MAPK13: variants seen among roughly 807,000 people sequenced by gnomAD.
The protein encoded by MAPK13 is MAP kinase 13.
MAPK13 carries 39 observed loss-of-function variants against 53.5 expected under a neutral mutation model. That is an observed-to-expected ratio of 0.73 (90% CI 0.56 to 0.95). The LOEUF (loss-of-function observed/expected upper bound fraction) is 0.95. Among genes scored for constraint, MAPK13 ranks in the 40% least tolerant of loss-of-function variants. The probability of loss-of-function intolerance (pLI) is 0.00; values close to 1 mark genes in which losing one functional copy is unlikely to be tolerated. For missense variants in MAPK13, 460 were observed against 471.8 expected (o/e 0.98, Z 0.23); for synonymous variants, 179 against 190.9 (o/e 0.94, Z 0.51).
chr6:36,142,168 T>C lies in MAPK13; in HGVS notation c.*2795T>C, dbSNP rs1021119845. ...TCCTGGGATCCACCGTAAGGTTCAT[T>C]CTGCATTCACAGGTTAAAGGTCTTG... On this transcript the variant is annotated 3_prime_UTR_variant, in exon 12 of 12. Coordinates refer to ENST00000211287, the MANE Select transcript of MAPK13 (RefSeq NM_002754.5). The surrounding 1 kb of genome is among the most constrained non-coding windows in gnomAD (Gnocchi z 4.4). 7.2e-5 allele frequency: 11 copies of C among 152,298 alleles called. No homozygotes were observed. Among genetic ancestry groups the C allele is most frequent in the African/African-American group, 2.7e-4 (11 of 41,462 alleles). 9.4% of individuals were successfully genotyped at this position (152,298 alleles called of 1,614,324 possible).
chr6:36,133,220 G>T (rs931327153), intron 3 of MAPK13, among the ~76,000 whole-genome samples: 41 of 152,352 alleles, frequency 2.7e-4, no homozygotes, highest in African/African-American at 9.1e-4. Context: ...GTGGAGGCCA[G>T]CAGCTGGCTT....
In MAPK13 at chr6:36,138,903, T is replaced by C. The variant is rs1766475947; in HGVS notation, c.866T>C (p.Leu289Pro). 1.2e-6 allele frequency: 2 copies of C among 1,611,264 alleles called. No individual in the cohort carries two copies. Among genetic ancestry groups the C allele is most frequent in the Non-Finnish European group, 8.5e-7 (1 of 1,178,810 alleles). The change falls in exon 11 of 12, where the codon CTG (leucine) becomes CCG (proline). Residue 289 changes from leucine (L) to proline (P), a missense_variant. Coordinates refer to ENST00000211287, the MANE Select transcript of MAPK13 (RefSeq NM_002754.5). ...PQAADLLEKM[L>P]ELDVDKRLTA... ...GCTGCGGACCTGCTGGAGAAGATGC[T>C]GGAGCTAGACGTGGACAAGCGCCTG...
At chr6:36,137,514 C>CA (rs1022679729) in intron 8 of MAPK13, among the ~76,000 whole-genome samples, 7 of 149,788 alleles carry the variant, frequency 4.7e-5, no homozygotes, top group Non-Finnish European at 7.4e-5. Context: ...GACTCTGTCT[C>CA]AAAAAAAAGA....
At chr6:36,132,492 G>T in intron 2 of MAPK13, 129 bp from the exon 3 acceptor site, 1 of 784,608 alleles carries the variant, frequency 1.3e-6, no homozygotes. Flanking sequence ...AAGAAGGTTG[G>T]AGACATGCCT....
rs553292048 is a variant in MAPK13 at position 36,139,254 on chromosome 6, G to A, written c.1019-40G>A. 4.4e-6 allele frequency: 7 copies of A among 1,581,820 alleles called. No homozygotes were observed. The East Asian group carries it at 6.7e-5, about 15-fold the overall frequency. On this transcript the variant is annotated intron_variant, in intron 11 of 11. Coordinates refer to ENST00000211287, the MANE Select transcript of MAPK13 (RefSeq NM_002754.5). ...AAGGGGGGTGGACTTTCTCGCCACA[G>A]CACCTCTTTACGCACCTTAAACCAT...
chr6:36,132,694 ACTGGGTT>A lies in MAPK13; in HGVS notation c.308+21_308+27del. ...TTCTATGACTTGTGAGTTGGGCTGC[ACTGGGTT>A]CTGGGGCATTTGCAGGCCTTACATG... On this transcript the variant is annotated intron_variant, in intron 3 of 11. Transcript: ENST00000211287. 1 of 1,614,110 alleles carries A rather than the reference ACTGGGTT, an allele frequency of 6.2e-7. No homozygotes were observed. Among genetic ancestry groups the A allele is most frequent in the Non-Finnish European group, 8.5e-7 (1 of 1,179,976 alleles).
rs759533532 is a variant in MAPK13 at position 36,132,669 on chromosome 6, T to G, written c.298T>G (p.Phe100Val). 1.9e-6 allele frequency: 3 copies of G among 1,614,214 alleles called. No homozygotes were observed. The South Asian group carries it at 3.3e-5, about 18-fold the overall frequency. Residue 100 changes from phenylalanine to valine, a missense_variant, in exon 3 of 12, where the codon TTC becomes GTC. Coordinates refer to ENST00000211287, the MANE Select transcript of MAPK13 (RefSeq NM_002754.5). ...VFTPASSLRN[F>V]YDFYLVMPFM... ...CACCCCAGCCTCCTCCCTGCGCAAC[T>G]TCTATGACTTGTGAGTTGGGCTGCA...
Position 36,136,549 on chromosome 6 carries a change from T to C in MAPK13, c.495+18T>C. The C allele has an allele frequency of 6.2e-7, 1 of 1,600,678 alleles. No homozygotes were observed. Among genetic ancestry groups the C allele is most frequent in the Non-Finnish European group, 8.5e-7 (1 of 1,173,304 alleles). On this transcript the variant is annotated intron_variant, in intron 6 of 11. Coordinates refer to ENST00000211287, the MANE Select transcript of MAPK13 (RefSeq NM_002754.5). Reference sequence around the variant, plus strand: ...AACTGAAGGTGAGTGGGCTGCAGGCTCAGCCCAGAGGCGGGATAGGCCCTC... The same window carrying C: ...AACTGAAGGTGAGTGGGCTGCAGGCCCAGCCCAGAGGCGGGATAGGCCCTC...
chr6:36,133,656 C>G (rs181163201), intron 3 of MAPK13, among the ~76,000 whole-genome samples: 8 of 152,212 alleles, frequency 5.3e-5, no homozygotes, highest in Non-Finnish European at 1.2e-4. Context: ...TGTTTAATCA[C>G]AGTTGCAAAT....
intron 3 of MAPK13, among the ~76,000 whole-genome samples, chr6:36,134,049 A>G (rs531260818): frequency 1.3e-3 from 204 of 152,348 alleles, no homozygotes; most frequent in African/African-American, 4.6e-3. Context: ...AGTGGGATCC[A>G]GGAGTGTGGA....
Position 36,143,317 on chromosome 6 carries a change from C to T in MAPK13, c.*3944C>T, listed in dbSNP as rs538093616. 31 of 152,118 alleles carry T rather than the reference C, an allele frequency of 2.0e-4. No homozygotes were observed. The highest frequency in any genetic ancestry group is 7.9e-4 in the Admixed American group (12 of 15,284). The allele number at this position is 152,118 out of a possible 1,614,324, so 9.4% of individuals were successfully genotyped here. ...GAGACAGAAATGGAGGAATAGCCCC[C>T]GTAAGGGCAAGCCCAGTGTGCACCA... On this transcript the variant is annotated 3_prime_UTR_variant, in exon 12 of 12. Transcript: ENST00000211287.
chr6:36,134,942 G>A (rs908862260), intron 3 of MAPK13, among the ~76,000 whole-genome samples: 27 of 152,222 alleles, frequency 1.8e-4, no homozygotes, highest in Non-Finnish European at 1.5e-4. Flanking sequence ...TTGAACCTGG[G>A]AGGTGGAGGT....
In MAPK13 at chr6:36,139,055, C is replaced by T. The variant is rs1343959443; in HGVS notation, c.1018C>T (p.Gln340Ter). 4 of 1,588,954 alleles carry T rather than the reference C, an allele frequency of 2.5e-6. No individual in the cohort carries two copies. The highest frequency in any genetic ancestry group is 1.7e-4 in the Middle Eastern group (1 of 5,898). Residue 340 changes from glutamine (Q) to a stop codon, truncating the protein, a stop_gained and splice_region_variant, in exon 11 of 12, where the codon CAG becomes TAG. Coordinates refer to ENST00000211287, the MANE Select transcript of MAPK13 (RefSeq NM_002754.5). LOFTEE classifies it high-confidence loss of function. ...GAAACTCACAGTGGATGAATGGAAGCGTAAGAGCTGGGGCCTCGGGCTTCC... is the reference window on the plus strand; with the variant it reads ...GAAACTCACAGTGGATGAATGGAAGTGTAAGAGCTGGGGCCTCGGGCTTCC... Reference protein sequence around the residue: ...HEKLTVDEWKQHIYKEIVNFS... With the variant: ...HEKLTVDEWK
At position 36,140,281 on chromosome 6, in the gene MAPK13, G is replaced by C. The variant is rs1418557232; in HGVS notation, c.*908G>C. 6.6e-6 allele frequency: 1 copy of C among 152,644 alleles called. No homozygotes were observed. Among genetic ancestry groups the C allele is most frequent in the Admixed American group, 6.5e-5 (1 of 15,284 alleles). 9.5% of individuals were successfully genotyped at this position (152,644 alleles called of 1,614,324 possible). A position where few individuals can be genotyped will look rare whatever the true frequency, so the allele number is the denominator to read the frequency against. ...AAGATATGAAACAACAGCAGGCTCG[G>C]AGACTGCGAGCTGCACAGGCAGAAA... On this transcript the variant is annotated 3_prime_UTR_variant, in exon 12 of 12. Coordinates refer to ENST00000211287, the MANE Select transcript of MAPK13 (RefSeq NM_002754.5).
At chr6:36,135,690 T>G in intron 3 of MAPK13, 63 bp from the exon 4 acceptor site, 1 of 1,217,692 alleles carries the variant, frequency 8.2e-7, no homozygotes, top group Non-Finnish European at 1.2e-6. Flanking sequence ...GTCCCTCCTC[T>G]GAGCTCTGAC....
intron 2 of MAPK13, 43 bp downstream of exon 2, chr6:36,131,443 G>C (rs1304846703): frequency 7.6e-6 from 12 of 1,580,460 alleles, no homozygotes; most frequent in Non-Finnish European, 1.0e-5. Flanking sequence ...GGCTGCCCTG[G>C]GGAGTCAGGG....
rs997317917 is a variant in MAPK13, at chr6:36,141,616, G to C, written c.*2243G>C. On this transcript the variant is annotated 3_prime_UTR_variant, in exon 12 of 12. Coordinates refer to ENST00000211287, the MANE Select transcript of MAPK13 (RefSeq NM_002754.5). ...GAACCTGGGAGGTGGAGGTTGCAGT[G>C]AGCTGAGATCACACCACTGCACTCC... The C allele has an allele frequency of 6.6e-6, 1 of 152,438 alleles. No individual in the cohort carries two copies. Among genetic ancestry groups the C allele is most frequent in the Non-Finnish European group, 1.5e-5 (1 of 68,270 alleles). The allele number at this position is 152,438 out of a possible 1,614,324, so 9.4% of individuals were successfully genotyped here.
chr6:36,131,309 T>A lies in MAPK13; in HGVS notation c.158T>A (p.Ile53Asn). Residue 53 changes from isoleucine to asparagine, a missense_variant, in exon 2 of 12, where the codon ATC (isoleucine) becomes AAC (asparagine). By Grantham distance (149) the Ile-to-Asn change is moderately radical. Coordinates refer to ENST00000211287, the MANE Select transcript of MAPK13 (RefSeq NM_002754.5). ...AAGCGGTCAGGGGAGAAGGTGGCCATCAAGAAGCTGAGCCGACCCTTTCAG... is the reference window on the plus strand; with the variant it reads ...AAGCGGTCAGGGGAGAAGGTGGCCAACAAGAAGCTGAGCCGACCCTTTCAG... ...IDKRSGEKVA[I>N]KKLSRPFQSE... 2 of 1,613,714 alleles carry A rather than the reference T, an allele frequency of 1.2e-6. No individual in the cohort carries two copies. The highest frequency in any genetic ancestry group is 1.7e-6 in the Non-Finnish European group (2 of 1,179,880).
intron 3 of MAPK13, among the ~76,000 whole-genome samples, chr6:36,134,717 G>C (rs887455880): frequency 6.7e-6 from 1 of 149,278 alleles, no homozygotes; most frequent in Non-Finnish European, 1.5e-5. Context: ...TTTTTTTTCT[G>C]AAAGGTGGGG....
Sources: gnomAD v4.1 joint callset for allele counts (sites outside exome capture counted in the v4.1 genomes callset) on GRCh38, gnomAD v4.1.1 for gene constraint, Gnocchi (gnomAD v3.1) non-coding constraint, MANE v1.5 for transcripts, NCBI Gene and HGNC (gene_info 2026-07-23, HGNC 2026-07-21) for gene names.